The following BABAM2 variants were observed in gnomAD, a reference collection of about 807,000 sequenced individuals.
The protein encoded by BABAM2 is BRISC and BRCA1-A complex member 2.
Under a neutral mutation model 54.7 loss-of-function variants are expected in BABAM2, and 31 were observed. The ratio of observed to expected loss-of-function variants is 0.57; its 90% confidence interval spans 0.43 to 0.77. The LOEUF is 0.77. BABAM2 is among the 30% of genes least tolerant of loss of function. The probability of loss-of-function intolerance (pLI) is 0.00; values close to 1 mark genes in which losing one functional copy is unlikely to be tolerated. For missense variants in BABAM2, 364 were observed against 455.8 expected (o/e 0.80, Z 1.83); for synonymous variants, 167 against 162.9 (o/e 1.03, Z -0.19).
intron 4 of BABAM2, among the ~76,000 whole-genome samples, chr2:28,024,142 C>T (rs1675470313): frequency 6.6e-6 from 1 of 152,132 alleles, no homozygotes; most frequent in Admixed American, 6.5e-5. Context: ...CGGTGGCTCA[C>T]GCCTCTAATC....
At chr2:28,149,172 G>T (rs1395673839) in intron 7 of BABAM2, among the ~76,000 whole-genome samples, 1 of 152,144 alleles carries the variant, frequency 6.6e-6, no homozygotes, top group Non-Finnish European at 1.5e-5. Context: ...AAAAAATTAA[G>T]CCGAGTATAA....
At chr2:28,017,686 G>C (rs1674944589) in intron 4 of BABAM2, among the ~76,000 whole-genome samples, 1 of 152,124 alleles carries the variant, frequency 6.6e-6, no homozygotes, top group South Asian at 2.1e-4. Flanking sequence ...TTTCCCCCAA[G>C]TCTCCAGCCC....
chr2:28,204,917 A>G (rs1678671159), intron 7 of BABAM2, among the ~76,000 whole-genome samples: 1 of 151,898 alleles, frequency 6.6e-6, no homozygotes, highest in Admixed American at 6.6e-5. Flanking sequence ...CTTGTCAGTG[A>G]TATACGAGCA....
intron 6 of BABAM2, among the ~76,000 whole-genome samples, chr2:28,066,838 A>G (rs1180691887): frequency 6.6e-6 from 1 of 152,188 alleles, no homozygotes; most frequent in Non-Finnish European, 1.5e-5. Context: ...TACTCACTTC[A>G]TGGAAGTTAT....
chr2:28,219,246 G>A (rs1680179435), intron 7 of BABAM2, among the ~76,000 whole-genome samples: 1 of 152,210 alleles, frequency 6.6e-6, no homozygotes, highest in African/African-American at 2.4e-5. Context: ...GGTCCTTTGC[G>A]GAGGTCAGTT....
intron 10 of BABAM2, among the ~76,000 whole-genome samples, chr2:28,295,970 G>A (rs1486253949): frequency 5.9e-5 from 9 of 152,158 alleles, no homozygotes; most frequent in African/African-American, 1.9e-4. Flanking sequence ...TTAGCCGAAC[G>A]TGGTGGCAGG....
chr2:27,903,724 G>A (rs917420405), intron 2 of BABAM2, among the ~76,000 whole-genome samples: 1 of 152,110 alleles, frequency 6.6e-6, no homozygotes, highest in Non-Finnish European at 1.5e-5. Context: ...AACTGAGCAC[G>A]TAGCATACGC....
intron 11 of BABAM2, among the ~76,000 whole-genome samples, chr2:28,334,350 C>T (rs893269916): frequency 3.9e-5 from 6 of 152,256 alleles, no homozygotes; most frequent in East Asian, 1.9e-4. Context: ...GAGGGCTCCC[C>T]GGACCCGACC....
chr2:28,053,042 A>G (rs1678119078), intron 6 of BABAM2, among the ~76,000 whole-genome samples: 1 of 152,192 alleles, frequency 6.6e-6, no homozygotes, highest in Non-Finnish European at 1.5e-5. Context: ...ATTTCCCCCC[A>G]GATATTCACT....
At chr2:28,156,957 T>G (rs2147796789) in intron 7 of BABAM2, among the ~76,000 whole-genome samples, 1 of 152,362 alleles carries the variant, frequency 6.6e-6, no homozygotes, top group East Asian at 1.9e-4. Flanking sequence ...CACAGCCAAC[T>G]TTTCTTTAAA....
rs70956008 is a variant in BABAM2 at position 28,258,615 on chromosome 2, C to CTTTTTTTTTTTTTTTTTTTTTTTTT, written c.934+13769_934+13770insTTTTTTTTTTTTTTTTTTTTTTTTT. 1.3e-3 allele frequency among the ~76,000 whole-genome samples: 130 copies of CTTTTTTTTTTTTTTTTTTTTTTTTT among 99,966 alleles called. 3 individuals carry two copies. Among genetic ancestry groups the CTTTTTTTTTTTTTTTTTTTTTTTTT allele is most frequent in the Non-Finnish European group, 1.7e-3 (89 of 52,140 alleles). The allele number at this position is 99,966 out of a possible 152,430, so 65.6% of individuals were successfully genotyped here. A position where few individuals can be genotyped will look rare whatever the true frequency, so the allele number is the denominator to read the frequency against. On this transcript the variant is annotated intron_variant, in intron 10 of 11. Transcript: ENST00000379624. Reference sequence around the variant, plus strand: ...CTTAAGTCTTTTTCTTTTTTCTTTTCTTTTTTTTTTTTTTTTGAGACAGGA... The same window carrying CTTTTTTTTTTTTTTTTTTTTTTTTT: ...CTTAAGTCTTTTTCTTTTTTCTTTTCTTTTTTTTTTTTTTTTTTTTTTTTTTTTTTTTTTTTTTTTTGAGACAGGA...
At chr2:28,183,659 C>G (rs1675887739) in intron 7 of BABAM2, among the ~76,000 whole-genome samples, 1 of 151,280 alleles carries the variant, frequency 6.6e-6, no homozygotes, top group South Asian at 2.1e-4. Context: ...GGTGTTTGCT[C>G]CATTAGAATT....
At chr2:27,990,877 G>A (rs1377696793) in intron 4 of BABAM2, among the ~76,000 whole-genome samples, 2 of 151,846 alleles carry the variant, frequency 1.3e-5, no homozygotes, top group Non-Finnish European at 2.9e-5. Flanking sequence ...AGGATTTGAG[G>A]TAGCTTAAGT....
At chr2:28,059,883 G>A (rs924593192) in intron 6 of BABAM2, among the ~76,000 whole-genome samples, 4 of 152,148 alleles carry the variant, frequency 2.6e-5, no homozygotes, top group Admixed American at 2.6e-4. Context: ...TTCCCACCAT[G>A]AAAACTTTAG....
chr2:28,280,871 G>A (rs768088857), intron 10 of BABAM2, among the ~76,000 whole-genome samples: 7 of 152,144 alleles, frequency 4.6e-5, no homozygotes, highest in Non-Finnish European at 1.0e-4. Flanking sequence ...GGGGTCATGA[G>A]TAAGGCGGGG....
At chr2:28,146,936 C>A (rs533514704) in intron 7 of BABAM2, among the ~76,000 whole-genome samples, 1 of 152,146 alleles carries the variant, frequency 6.6e-6, no homozygotes, top group Admixed American at 6.5e-5. Flanking sequence ...ATAACCTAAA[C>A]CTGAAATTGG....
intron 7 of BABAM2, among the ~76,000 whole-genome samples, chr2:28,214,923 A>G (rs1679797078): frequency 6.6e-6 from 1 of 152,122 alleles, no homozygotes; most frequent in Non-Finnish European, 1.5e-5. Flanking sequence ...GCCATGCTTA[A>G]ATATGATAAA....
rs541972001 is a variant in BABAM2 at position 27,894,410 on chromosome 2, A to G, written c.-24-123A>G. 62 of 965,220 alleles carry G rather than the reference A, an allele frequency of 6.4e-5. 1 individual carries two copies. In the South Asian group the frequency reaches 9.1e-4, roughly 14 times the overall value. 59.8% of individuals were successfully genotyped at this position (965,220 alleles called of 1,614,324 possible). Reference sequence around the variant, plus strand: ...GGATCATTGGAAGAGGCTGCGCTAGAGATGGGAAATGAATTATTTATTCAT... The same window carrying G: ...GGATCATTGGAAGAGGCTGCGCTAGGGATGGGAAATGAATTATTTATTCAT... On this transcript the variant is annotated intron_variant, in intron 1 of 11. Transcript: ENST00000379624.
intron 10 of BABAM2, among the ~76,000 whole-genome samples, chr2:28,290,897 A>G (rs1269462674): frequency 6.6e-6 from 1 of 152,258 alleles, no homozygotes; most frequent in African/African-American, 2.4e-5. Flanking sequence ...TTTCATCAAA[A>G]TAGTTAAAAT....
Sources: allele counts gnomAD v4.1 joint callset (sites outside exome capture counted in the v4.1 genomes callset), GRCh38; gene constraint gnomAD v4.1.1; transcripts MANE v1.5; gene names NCBI Gene and HGNC (gene_info 2026-07-23, HGNC 2026-07-21).